Variants in HSF2BP observed in about 807,000 individuals in gnomAD.
The protein encoded by HSF2BP is heat shock transcription factor 2 binding protein, also known as heat shock factor 2-binding protein.
A neutral mutation model predicts 35.0 loss-of-function variants in HSF2BP; 35 were observed. The ratio of observed to expected loss-of-function variants is 1.00; its 90% confidence interval spans 0.76 to 1.32. The LOEUF is 1.32. HSF2BP is among the 40% of genes most tolerant of loss of function. The pLI is 0.00. For synonymous variants in HSF2BP, 114 were observed against 117.4 expected, an observed-to-expected ratio of 0.97 and a Z score of 0.18; for missense variants, 326 against 321.7, an observed-to-expected ratio of 1.01 and a Z score of -0.10.
intron 8 of HSF2BP, among the ~76,000 whole-genome samples, chr21:43,591,880 G>A (rs961069016): frequency 2.0e-5 from 3 of 152,184 alleles, no homozygotes; most frequent in Non-Finnish European, 4.4e-5. Flanking sequence ...AGGTCACTCA[G>A]TAGCTATCTA....
At chr21:43,617,192 G>T (rs2082282097) in intron 6 of HSF2BP, among the ~76,000 whole-genome samples, 1 of 151,840 alleles carries the variant, frequency 6.6e-6, no homozygotes, top group Non-Finnish European at 1.5e-5. Flanking sequence ...TTGTTACACA[G>T]CAATAGAAAA....
chr21:43,643,813 C>T (rs1195618923), intron 4 of HSF2BP, among the ~76,000 whole-genome samples: 2 of 152,176 alleles, frequency 1.3e-5, no homozygotes, highest in East Asian at 3.9e-4. Flanking sequence ...AAAAACTTAG[C>T]CGGCCGTGGT....
intron 6 of HSF2BP, among the ~76,000 whole-genome samples, chr21:43,617,142 C>A (rs1023067154): frequency 6.6e-6 from 1 of 151,844 alleles, no homozygotes; most frequent in African/African-American, 2.4e-5. Flanking sequence ...TGTAGACCCA[C>A]GAGCAAGATA....
chr21:43,614,305 G>C (rs967487416), intron 6 of HSF2BP, among the ~76,000 whole-genome samples: 3 of 151,126 alleles, frequency 2.0e-5, no homozygotes, highest in African/African-American at 7.3e-5. Context: ...AGAGGCTGCA[G>C]TGAGCCATGA....
At chr21:43,589,412 T>C (rs2081898648) in intron 8 of HSF2BP, among the ~76,000 whole-genome samples, 1 of 152,168 alleles carries the variant, frequency 6.6e-6, no homozygotes, top group Non-Finnish European at 1.5e-5. Flanking sequence ...GTCTCAATAT[T>C]GCTAAAGTGT....
At chr21:43,615,505 G>C (rs141676505) in intron 6 of HSF2BP, among the ~76,000 whole-genome samples, 1 of 152,246 alleles carries the variant, frequency 6.6e-6, no homozygotes, top group African/African-American at 2.4e-5. Flanking sequence ...TTGTTCACCT[G>C]GTCTCAGATG....
At chr21:43,612,071 A>G (rs1457754413) in intron 7 of HSF2BP, among the ~76,000 whole-genome samples, 1 of 152,168 alleles carries the variant, frequency 6.6e-6, no homozygotes, top group Non-Finnish European at 1.5e-5. Flanking sequence ...AGCACTGTAA[A>G]GACTCTGAAA....
rs2082504828 is a variant in HSF2BP, at chr21:43,633,174, G to A, written c.441+98C>T. On this transcript the variant is annotated intron_variant, in intron 5 of 8. Transcript: ENST00000291560. Reference sequence around the variant, plus strand: ...ATGAGTGAACAAAAGAAAATGGAAAGATATGGACTTAGTCTTTAAATGCCT... The same window carrying A: ...ATGAGTGAACAAAAGAAAATGGAAAAATATGGACTTAGTCTTTAAATGCCT... 3.8e-6 allele frequency: 5 copies of A among 1,298,728 alleles called. 1 individual carries two copies. In the East Asian group the frequency reaches 1.2e-4, roughly 32 times the overall value. The allele number at this position is 1,298,728 out of a possible 1,614,324, so 80.5% of individuals were successfully genotyped here. A position where few individuals can be genotyped will look rare whatever the true frequency, so the allele number is the denominator to read the frequency against.
rs376179568 is a variant in HSF2BP, at chr21:43,590,450, A to T, written c.796+1775T>A. 1.1e-4 allele frequency among the ~76,000 whole-genome samples: 16 copies of T among 152,308 alleles called. No individual in the cohort carries two copies. In the East Asian group the frequency reaches 3.1e-3, roughly 29 times the overall value. On this transcript the variant is annotated intron_variant, in intron 8 of 8. Transcript: ENST00000291560. ...TCATAAAAACTAACATGCACCTACC[A>T]CATGTCTCAGTGATCCCACTTCTAG...
At chr21:43,604,474 C>T (rs540915616) in intron 7 of HSF2BP, among the ~76,000 whole-genome samples, 38 of 110,340 alleles carry the variant, frequency 3.4e-4, no homozygotes, top group African/African-American at 8.5e-4. Flanking sequence ...ACACACAGCA[C>T]GCACACCATA....
intron 2 of HSF2BP, 90 bp downstream of exon 2, chr21:43,657,971 G>T (rs1213002717): frequency 2.0e-6 from 3 of 1,526,598 alleles, no homozygotes; most frequent in Non-Finnish European, 2.6e-6. Context: ...GCGACAGCGA[G>T]CCGTCTCCGA....
chr21:43,609,215 T>TG (rs1174813813), intron 7 of HSF2BP, among the ~76,000 whole-genome samples: 1 of 152,112 alleles, frequency 6.6e-6, no homozygotes, highest in African/African-American at 2.4e-5. Flanking sequence ...CATTTATAAG[T>TG]GGGAGCTAAA....
At chr21:43,501,551 C>T in the HSF2BP span, among the ~76,000 whole-genome samples, 5 of 39,004 alleles carry the variant, frequency 1.3e-4, no homozygotes, top group South Asian at 8.1e-4. Context: ...TACAGGCGCA[C>T]GCCACCACAC....
intron 4 of HSF2BP, 54 bp downstream of exon 4, chr21:43,644,235 T>C: frequency 7.5e-7 from 1 of 1,339,508 alleles, no homozygotes; most frequent in East Asian, 2.3e-5. Context: ...AGTGAAAGGC[T>C]GTAAGCCAGC....
intron 7 of HSF2BP, among the ~76,000 whole-genome samples, chr21:43,607,277 G>A (rs1601658254): frequency 6.7e-6 from 1 of 149,770 alleles, no homozygotes; most frequent in Non-Finnish European, 1.5e-5. Flanking sequence ...GTAAAAGGGT[G>A]AGACCCTGTC....
At chr21:43,620,363 G>A (rs553096350) in intron 6 of HSF2BP, among the ~76,000 whole-genome samples, 13 of 152,268 alleles carry the variant, frequency 8.5e-5, no homozygotes, top group African/African-American at 2.2e-4. Flanking sequence ...AAAGTAATTC[G>A]GAAATTTGTC....
At chr21:43,626,914 G>A (rs994964094) in intron 6 of HSF2BP, among the ~76,000 whole-genome samples, 3 of 150,754 alleles carry the variant, frequency 2.0e-5, no homozygotes, top group Admixed American at 1.3e-4. Flanking sequence ...GTCACCCAGG[G>A]TGGAGTGTAG....
chr21:43,590,458 C>T (rs954717341), intron 8 of HSF2BP, among the ~76,000 whole-genome samples: 6 of 152,192 alleles, frequency 3.9e-5, no homozygotes, highest in African/African-American at 1.4e-4. Context: ...CCACATGTCT[C>T]AGTGATCCCA....
intron 7 of HSF2BP, among the ~76,000 whole-genome samples, chr21:43,606,599 A>C (rs1159088203): frequency 1.3e-5 from 2 of 152,218 alleles, no homozygotes; most frequent in Non-Finnish European, 2.9e-5. Context: ...GACTACTGCC[A>C]CAGTGAAGGG....
Sources: allele counts gnomAD v4.1 joint callset (sites outside exome capture counted in the v4.1 genomes callset), GRCh38; gene constraint gnomAD v4.1.1; transcripts MANE v1.5; gene names NCBI Gene and HGNC (gene_info 2026-07-23, HGNC 2026-07-21).